GSTA4: variants seen among roughly 807,000 people sequenced by gnomAD.
GSTA4 encodes glutathione S-transferase A4.
A neutral mutation model predicts 24.4 loss-of-function variants in GSTA4; 15 were observed. The ratio of observed to expected loss-of-function variants is 0.61; its 90% CI spans 0.41 to 0.95. The LOEUF is 0.95. Ranked by LOEUF, GSTA4 falls within the 40% of genes least tolerant of loss-of-function variation. The probability of loss-of-function intolerance (pLI) is 0.00; values close to 1 mark genes in which losing one functional copy is unlikely to be tolerated. For synonymous variants in GSTA4, 92 were observed against 94.2 expected, an observed-to-expected ratio of 0.98 and a Z score of 0.13; for missense variants, 244 against 262.1, an observed-to-expected ratio of 0.93 and a Z score of 0.48.
At position 52,982,579 on chromosome 6, in the gene GSTA4, G is replaced by C; in HGVS notation, c.541C>G (p.Leu181Val). Residue 181 changes from leucine (L) to valine (V), a missense_variant, in exon 6 of 7, where the codon CTC (leucine) becomes GTC (valine). Physicochemically the swap from Leu to Val is conservative, Grantham distance 32 (BLOSUM62 1). Transcript: ENST00000370963. Reference sequence around the variant, plus strand: ...TAATACATAGTTTTATTTACCTGGAGGAAAGGAAATGCAGACAGGATATTA... The same window carrying C: ...TAATACATAGTTTTATTTACCTGGACGAAAGGAAATGCAGACAGGATATTA... ...IPNILSAFPF[L>V]QEYTVKLSNI... is the part of the protein sequence containing the mutation. 6.2e-7 allele frequency: 1 copy of C among 1,608,224 alleles called. No individual in the cohort carries two copies. Among genetic ancestry groups the C allele is most frequent in the South Asian group, 1.1e-5 (1 of 90,422 alleles).
rs1763645778 is a variant in GSTA4, at chr6:52,990,758, T to C, written c.88-3350A>G. On this transcript the variant is annotated intron_variant, in intron 2 of 6. Coordinates refer to ENST00000370963, the MANE Select transcript of GSTA4 (RefSeq NM_001512.4). ...ATCAAGAATTACAAACTCAGAAGCC[T>C]ATGGGGGTTAGAAAAATGACAGACA... is the stretch of plus-strand genomic sequence containing the variant. Among the ~76,000 whole-genome samples the C allele has an allele frequency of 2.0e-5, 3 of 152,136 alleles. No individual in the cohort carries two copies. In the South Asian group the frequency reaches 6.2e-4, roughly 32 times the overall value.
chr6:52,978,910 C>T (rs1488802124), intron 6 of GSTA4, among the ~76,000 whole-genome samples: 10 of 152,014 alleles, frequency 6.6e-5, no homozygotes, highest in African/African-American at 1.7e-4. Context: ...ATGCAGCCCG[C>T]GGGCTGTGGG....
In GSTA4 at chr6:52,978,322, G is replaced by C; in HGVS notation, c.*148C>G. 2.6e-6 allele frequency: 2 copies of C among 754,838 alleles called. No individual in the cohort carries two copies. The highest frequency in any genetic ancestry group is 2.8e-5 in the East Asian group (1 of 35,896). The allele number at this position is 754,838 out of a possible 1,614,324, so 46.8% of individuals were successfully genotyped here. ...ACAAAAAAGGTTGATATTTCTAGAA[G>C]AGATGATCTCGTTGACACAAAAGAC... On this transcript the variant is annotated 3_prime_UTR_variant, in exon 7 of 7. Transcript: ENST00000370963.
intron 1 of GSTA4, among the ~76,000 whole-genome samples, chr6:52,994,862 C>A (rs991329950): frequency 6.6e-6 from 1 of 152,148 alleles, no homozygotes; most frequent in Admixed American, 6.5e-5. Flanking sequence ...TAAAACGAGC[C>A]GGGGGCCAGG....
chr6:52,993,324 T>C (rs1261653748), intron 2 of GSTA4, among the ~76,000 whole-genome samples: 1 of 152,146 alleles, frequency 6.6e-6, no homozygotes, highest in African/African-American at 2.4e-5. Context: ...AACTTACAGG[T>C]TTTTAAAATA....
At chr6:52,989,210 T>A (rs1763619247) in intron 2 of GSTA4, among the ~76,000 whole-genome samples, 2 of 152,264 alleles carry the variant, frequency 1.3e-5, no homozygotes, top group African/African-American at 4.8e-5. Context: ...CATGAATAAT[T>A]TACCCCATTG....
At chr6:52,988,599 T>C (rs553225299) in intron 2 of GSTA4, among the ~76,000 whole-genome samples, 45 of 152,254 alleles carry the variant, frequency 3.0e-4, no homozygotes, top group African/African-American at 1.1e-3. Flanking sequence ...CATAATGGCC[T>C]GGACTTCTCA....
chr6:52,985,724 T>A, intron 3 of GSTA4, 141 bp from the exon 4 acceptor site: 1 of 887,788 alleles, frequency 1.1e-6, no homozygotes, highest in Non-Finnish European at 1.8e-6. Flanking sequence ...CAGATAACCT[T>A]AACTTCATTC....
At position 52,981,232 on chromosome 6, in the gene GSTA4, T is replaced by C. The variant is rs45564634; in HGVS notation, c.546+1342A>G. Among the ~76,000 whole-genome samples, 8 of 152,378 alleles carry C rather than the reference T, an allele frequency of 5.3e-5. No individual in the cohort carries two copies. In the East Asian group the frequency reaches 7.7e-4, roughly 15 times the overall value. On this transcript the variant is annotated intron_variant, in intron 6 of 6. Coordinates refer to ENST00000370963, the MANE Select transcript of GSTA4 (RefSeq NM_001512.4). ...AACTGGTGGTAATTGCTCTCATTAG[T>C]ATATCAAAATATTTAATAGACTTGG...
intron 4 of GSTA4, 66 bp from the exon 5 acceptor site, chr6:52,984,671 G>C: frequency 1.6e-5 from 17 of 1,088,596 alleles, no homozygotes; most frequent in Non-Finnish European, 2.0e-5. Context: ...CCACAACTAA[G>C]AATTCAGAGT....
intron 5 of GSTA4, among the ~76,000 whole-genome samples, 183 bp from the exon 6 acceptor site, chr6:52,982,888 AGAGAGAGAGAGAGAGC>A (rs1763480386): frequency 7.0e-5 from 2 of 28,568 alleles, no homozygotes; most frequent in South Asian, 1.7e-3. Context: ...AGAGGGGGAG[AGAGAGAGAGAGAGAGC>A]GAGAGAGAGA....
At chr6:52,994,119 T>C (rs1377219092) in intron 2 of GSTA4, 38 bp downstream of exon 2, 1 of 1,333,120 alleles carries the variant, frequency 7.5e-7, no homozygotes, top group African/African-American at 1.4e-5. Flanking sequence ...TCTCAAAAGC[T>C]GTATGACAAA....
chr6:52,994,415 A>ACGGCG, intron 1 of GSTA4, 154 bp from the exon 2 acceptor site: 1 of 551,430 alleles, frequency 1.8e-6, no homozygotes, highest in Admixed American at 3.1e-5. Context: ...AAGAAAAAAA[A>ACGGCG]ACCACCATTT....
chr6:52,992,300 G>C (rs1269698832), intron 2 of GSTA4, among the ~76,000 whole-genome samples: 1 of 152,182 alleles, frequency 6.6e-6, no homozygotes, highest in African/African-American at 2.4e-5. Context: ...GGTCTATAGT[G>C]ACACAAAGAA....
intron 1 of GSTA4, 187 bp downstream of exon 1, chr6:52,995,062 G>A (rs1763744957): frequency 6.6e-6 from 1 of 152,594 alleles, no homozygotes; most frequent in Admixed American, 6.5e-5. Context: ...CTCCAGCCAA[G>A]GGGCCCACCT....
At chr6:52,991,363 G>A (rs1763658263) in intron 2 of GSTA4, among the ~76,000 whole-genome samples, 1 of 152,180 alleles carries the variant, frequency 6.6e-6, no homozygotes, top group South Asian at 2.1e-4. Context: ...AAACTATAAT[G>A]TGTGGATTGG....
chr6:52,989,234 C>G (rs1401470794), intron 2 of GSTA4, among the ~76,000 whole-genome samples: 3 of 152,190 alleles, frequency 2.0e-5, no homozygotes, highest in Non-Finnish European at 4.4e-5. Context: ...AGCATATTAT[C>G]AAGAAATAAC....
At chr6:52,978,625 C>CAAAA in intron 6 of GSTA4, 33 bp from the exon 7 acceptor site, 1 of 1,553,688 alleles carries the variant, frequency 6.4e-7, no homozygotes, top group South Asian at 1.2e-5. Flanking sequence ...TTAAGGCTAA[C>CAAAA]AAAAAAGGTA....
intron 2 of GSTA4, among the ~76,000 whole-genome samples, chr6:52,989,523 T>C (rs45621538): frequency 0.041 from 6,225 of 151,788 alleles, 195 homozygotes; most frequent in Non-Finnish European, 0.067. Flanking sequence ...TAACAATTGG[T>C]GAATTTAGTT....
Sources: allele counts gnomAD v4.1 joint callset (sites outside exome capture counted in the v4.1 genomes callset), GRCh38; gene constraint gnomAD v4.1.1; transcripts MANE v1.5; gene names NCBI Gene and HGNC (gene_info 2026-07-23, HGNC 2026-07-21).